WWC1: variants seen among roughly 807,000 people sequenced by gnomAD.
The protein encoded by WWC1 is WW and C2 domain containing 1.
A neutral mutation model predicts 138.4 loss-of-function variants in WWC1; 55 were observed. The ratio of observed to expected loss-of-function variants is 0.40; its 90% confidence interval spans 0.32 to 0.50. The LOEUF is 0.50. WWC1 is among the 20% of genes least tolerant of loss of function. The probability of loss-of-function intolerance (pLI) is 0.72; values close to 1 mark genes in which losing one functional copy is unlikely to be tolerated. For missense variants in WWC1, 1,226 were observed against 1,420.4 expected, an observed-to-expected ratio of 0.86 and a Z score of 2.20; for synonymous variants, 524 against 564.9, an observed-to-expected ratio of 0.93 and a Z score of 1.03.
At chr5:168,354,213 G>A (rs1775221258) in intron 1 of WWC1, among the ~76,000 whole-genome samples, 1 of 152,062 alleles carries the variant, frequency 6.6e-6, no homozygotes, top group South Asian at 2.1e-4. Flanking sequence ...ACCACTCCCA[G>A]CTGTTTTTTG....
chr5:168,370,283 A>G (rs1776653852), intron 1 of WWC1, among the ~76,000 whole-genome samples: 1 of 152,176 alleles, frequency 6.6e-6, no homozygotes, highest in Non-Finnish European at 1.5e-5. Context: ...AAATCATTTA[A>G]TTAATCCCCA....
chr5:168,304,109 A>G (rs1179631178), intron 1 of WWC1, among the ~76,000 whole-genome samples: 1 of 152,238 alleles, frequency 6.6e-6, no homozygotes, highest in African/African-American at 2.4e-5. Context: ...GACATCTCTC[A>G]TTATATTCAA....
At chr5:168,431,107 T>A (rs1349281362) in intron 14 of WWC1, 145 bp from the exon 15 acceptor site, 1 of 704,778 alleles carries the variant, frequency 1.4e-6, no homozygotes, top group African/African-American at 1.8e-5. Context: ...TTCCAGTGTA[T>A]AGGGGCCTGA....
intron 1 of WWC1, among the ~76,000 whole-genome samples, chr5:168,367,627 T>C (rs1776416000): frequency 6.6e-6 from 1 of 152,212 alleles, no homozygotes; most frequent in Admixed American, 6.5e-5. Context: ...CCCAGTCTTG[T>C]TAATTTTTAT....
chr5:168,380,851 A>G (rs529563099), intron 2 of WWC1, among the ~76,000 whole-genome samples: 2 of 152,240 alleles, frequency 1.3e-5, no homozygotes, highest in Non-Finnish European at 2.9e-5. Context: ...AATAGGAATG[A>G]GTCTCAAAAA....
chr5:168,349,424 C>T (rs1774746580), intron 1 of WWC1, among the ~76,000 whole-genome samples: 1 of 152,162 alleles, frequency 6.6e-6, no homozygotes, highest in Non-Finnish European at 1.5e-5. Context: ...CTCAGGAAAT[C>T]CCTTCTTTTC....
intron 1 of WWC1, among the ~76,000 whole-genome samples, chr5:168,343,404 G>T (rs1231624996): frequency 6.6e-6 from 1 of 152,156 alleles, no homozygotes; most frequent in Non-Finnish European, 1.5e-5. Context: ...ACTCAAAGAA[G>T]GGAAATAACT....
At chr5:168,373,784 C>T (rs191841676) in intron 2 of WWC1, among the ~76,000 whole-genome samples, 1,948 of 145,080 alleles carry the variant, frequency 0.013, 38 homozygotes, top group African/African-American at 0.046. Flanking sequence ...CAGTGGCTCA[C>T]GCCTGTAATC....
intron 9 of WWC1, among the ~76,000 whole-genome samples, chr5:168,417,554 A>G (rs2152846662): frequency 6.6e-6 from 1 of 152,180 alleles, no homozygotes; most frequent in South Asian, 2.1e-4. Flanking sequence ...TTAGAAGACC[A>G]CAAGTTTGCT....
intron 1 of WWC1, among the ~76,000 whole-genome samples, chr5:168,341,686 G>T (rs1330876255): frequency 6.7e-6 from 1 of 149,664 alleles, no homozygotes; most frequent in Non-Finnish European, 1.5e-5. Context: ...AGCGGTGCAG[G>T]TGTCATTTGC....
chr5:168,363,745 C>T (rs776481091), intron 1 of WWC1, among the ~76,000 whole-genome samples: 10 of 152,052 alleles, frequency 6.6e-5, no homozygotes, highest in Non-Finnish European at 8.8e-5. Flanking sequence ...CCCATTTTAA[C>T]GCAGCGGTGA....
chr5:168,420,567 AC>A (rs956603920), intron 9 of WWC1, among the ~76,000 whole-genome samples: 7 of 150,998 alleles, frequency 4.6e-5, no homozygotes, highest in East Asian at 2.0e-4. Flanking sequence ...TCTGATAGGG[AC>A]CCCCCCGCCC....
chr5:168,348,091 C>T (rs1581992791), intron 1 of WWC1, among the ~76,000 whole-genome samples: 1 of 152,168 alleles, frequency 6.6e-6, no homozygotes, highest in African/African-American at 2.4e-5. Flanking sequence ...TACCTGAGCT[C>T]CTTTATTCCC....
chr5:168,466,793 A>C (rs2152897261), intron 21 of WWC1, among the ~76,000 whole-genome samples: 1 of 152,296 alleles, frequency 6.6e-6, no homozygotes, highest in Admixed American at 6.5e-5. Context: ...ACCAAGGCAA[A>C]AAGAGATCAG....
At chr5:168,329,203 T>G (rs1772827057) in intron 1 of WWC1, among the ~76,000 whole-genome samples, 1 of 152,174 alleles carries the variant, frequency 6.6e-6, no homozygotes, top group Admixed American at 6.5e-5. Flanking sequence ...ATAACACAAT[T>G]TACCCTGAGC....
intron 8 of WWC1, chr5:168,411,755 C>G (rs1414398325): frequency 6.5e-6 from 1 of 154,950 alleles, no homozygotes; most frequent in East Asian, 1.9e-4. Flanking sequence ...GTTTGAGACT[C>G]CCTGGCATTT....
chr5:168,369,721 A>G (rs941564350), intron 1 of WWC1, among the ~76,000 whole-genome samples: 1 of 152,150 alleles, frequency 6.6e-6, no homozygotes, highest in African/African-American at 2.4e-5. Context: ...GACCCTGGGT[A>G]TATAGTGGTA....
chr5:168,356,306 G>A (rs1354854589), intron 1 of WWC1, among the ~76,000 whole-genome samples: 2 of 152,276 alleles, frequency 1.3e-5, no homozygotes, highest in Non-Finnish European at 2.9e-5. Flanking sequence ...CAGGGAACAT[G>A]CCGATGCGGC....
chr5:168,451,628 C>T (rs1046471020), intron 17 of WWC1, among the ~76,000 whole-genome samples: 1 of 152,172 alleles, frequency 6.6e-6, no homozygotes, highest in South Asian at 2.1e-4. Flanking sequence ...TCACCTGAGC[C>T]CAAGAGTTCA....
Sources: gnomAD v4.1 joint callset for allele counts (sites outside exome capture counted in the v4.1 genomes callset) on GRCh38, gnomAD v4.1.1 for gene constraint, MANE v1.5 for transcripts, NCBI Gene and HGNC (gene_info 2026-07-23, HGNC 2026-07-21) for gene names.